Variants in RHOF observed in about 807,000 individuals in gnomAD.
RHOF encodes rho-related GTP-binding protein RhoF.
RHOF carries 21 observed loss-of-function variants against 22.2 expected under a neutral mutation model. The observed-to-expected ratio is 0.95, with a 90% CI of 0.67 to 1.36. The LOEUF (loss-of-function observed/expected upper bound fraction) is 1.36. Among genes scored for constraint, RHOF ranks in the 40% most tolerant of loss-of-function variants. The pLI, the probability that RHOF is intolerant of heterozygous loss-of-function variation, is 0.00. For missense variants in RHOF, 285 were observed against 293.7 expected, an observed-to-expected ratio of 0.97 and a Z score of 0.22; for synonymous variants, 135 against 131.2, an observed-to-expected ratio of 1.03 and a Z score of -0.20.
chr12:121,783,705 C>T (rs1874535964), intron 2 of RHOF, among the ~76,000 whole-genome samples: 1 of 152,158 alleles, frequency 6.6e-6, no homozygotes, highest in Non-Finnish European at 1.5e-5. Flanking sequence ...TGGTCTCGAA[C>T]TCCCGACCTC....
intron 2 of RHOF, among the ~76,000 whole-genome samples, chr12:121,787,890 CAAAAA>C (rs35018748): frequency 2.6e-4 from 14 of 54,460 alleles, no homozygotes; most frequent in African/African-American, 9.3e-4. Context: ...GACTCTGCCT[CAAAAA>C]AAAAAAAAAA....
intron 2 of RHOF, among the ~76,000 whole-genome samples, chr12:121,783,893 C>T (rs1020841300): frequency 1.3e-5 from 2 of 152,162 alleles, no homozygotes; most frequent in Non-Finnish European, 1.5e-5. Flanking sequence ...CATGAGCCAC[C>T]GTGCCTGGCC....
intron 2 of RHOF, among the ~76,000 whole-genome samples, chr12:121,789,239 C>A (rs1449572502): frequency 3.8e-5 from 3 of 78,466 alleles, no homozygotes; most frequent in African/African-American, 1.0e-4. Context: ...CTAACCATTC[C>A]CCACCTCAAA....
chr12:121,793,627 C>G lies in RHOF; in HGVS notation c.7G>C (p.Ala3Pro). The G allele has an allele frequency of 6.5e-7, 1 of 1,540,396 alleles. No homozygotes were observed. Among genetic ancestry groups the G allele is most frequent in the African/African-American group, 1.4e-5 (1 of 72,934 alleles). MD[A>P]PGALAQTAAP... ...GCGGTCTGGGCCAGGGCCCCGGGGGCATCCATTGCCCGGAGCCCGCAGCAC... is the reference window on the plus strand; with the variant it reads ...GCGGTCTGGGCCAGGGCCCCGGGGGGATCCATTGCCCGGAGCCCGCAGCAC... Residue 3 changes from alanine to proline, a missense_variant, in exon 1 of 5, where the codon GCC (alanine) becomes CCC (proline). Transcript: ENST00000267205.
At chr12:121,792,510 C>T (rs1874790333) in intron 2 of RHOF, among the ~76,000 whole-genome samples, 1 of 152,248 alleles carries the variant, frequency 6.6e-6, no homozygotes, top group Non-Finnish European at 1.5e-5. Context: ...TGCTCTGTTC[C>T]TTCCTCAGTT....
chr12:121,787,916 G>C (rs1400266826), intron 2 of RHOF, among the ~76,000 whole-genome samples: 3 of 134,648 alleles, frequency 2.2e-5, no homozygotes, highest in Admixed American at 2.2e-4. Flanking sequence ...AAAAGGGGGG[G>C]GGGGCGGGGT....
chr12:121,793,091 G>A, intron 2 of RHOF, 61 bp downstream of exon 2: 1 of 1,426,618 alleles, frequency 7.0e-7, no homozygotes, highest in Non-Finnish European at 9.6e-7. Context: ...GGGGACGCCC[G>A]GGAGGGGAAA....
In RHOF at chr12:121,793,248, G is replaced by A; in HGVS notation, c.139-9C>T. The A allele has an allele frequency of 6.4e-7, 1 of 1,550,666 alleles. No individual in the cohort carries two copies. ...ACCGATGGGGCGTAGTGCTGCGGGA[G>A]AGGGGGTCGGGTTGGTCCTTAGTGG... On this transcript the variant is annotated splice_polypyrimidine_tract_variant and intron_variant, in intron 1 of 4. Transcript: ENST00000267205.
In RHOF at chr12:121,781,086, G is replaced by C; in HGVS notation, c.333C>G (p.Ile111Met). The C allele has an allele frequency of 6.2e-7, 1 of 1,614,234 alleles. No individual in the cohort carries two copies. The highest frequency in any genetic ancestry group is 8.5e-7 in the Non-Finnish European group (1 of 1,180,024). The change falls in exon 3 of 5, where the codon ATC becomes ATG. Residue 111 changes from isoleucine (I) to methionine (M), a missense_variant. By Grantham distance (10) the Ile-to-Met change is conservative. Coordinates refer to ENST00000267205, the MANE Select transcript of RHOF (RefSeq NM_019034.3). The part of the protein sequence containing the change: ...MNPTSYDNVL[I>M]KWFPEVTHFC... Reference sequence around the variant, plus strand: ...CCACCCAGGAGGCCGGCCTCACCTTGATGAGGACGTTGTCGTAGCTGGTGG... The same window carrying C: ...CCACCCAGGAGGCCGGCCTCACCTTCATGAGGACGTTGTCGTAGCTGGTGG...
At chr12:121,782,258 T>G (rs1874489755) in intron 2 of RHOF, 1 of 152,222 alleles carries the variant, frequency 6.6e-6, no homozygotes, top group African/African-American at 2.4e-5. Flanking sequence ...AGAAACCGCA[T>G]GGACTCTGCA....
intron 2 of RHOF, among the ~76,000 whole-genome samples, chr12:121,783,428 TCTC>T (rs1485199853): frequency 3.3e-5 from 5 of 151,498 alleles, no homozygotes; most frequent in Non-Finnish European, 2.9e-5. Context: ...TTCAAGCAAT[TCTC>T]CTGCCACAGC....
chr12:121,782,165 CTG>C (rs1192750370), intron 2 of RHOF: 1 of 152,132 alleles, frequency 6.6e-6, no homozygotes, highest in East Asian at 1.9e-4. Flanking sequence ...GGCACGGTAA[CTG>C]TAGACATCTG....
Position 121,779,540 on chromosome 12 carries a change from C to G in RHOF, c.594G>C (p.Lys198Asn). 2 of 1,613,214 alleles carry G rather than the reference C, an allele frequency of 1.2e-6. No individual in the cohort carries two copies. Among genetic ancestry groups the G allele is most frequent in the Non-Finnish European group, 1.7e-6 (2 of 1,179,396 alleles). The change falls in exon 5 of 5, where the codon AAG becomes AAC. Residue 198 changes from lysine to asparagine, a missense_variant. Coordinates refer to ENST00000267205, the MANE Select transcript of RHOF (RefSeq NM_019034.3). ...GCCGGCGCTTCTTCTGCCGTTGCGC[C>G]TTCTTCAGAGCGCTGAGAGCCACCT... ...AAKVALSALKKAQRQKKRRLC... is the reference protein window; with the variant it reads ...AAKVALSALKNAQRQKKRRLC...
At chr12:121,780,797 C>T in intron 4 of RHOF, 75 bp downstream of exon 4, 2 of 1,512,460 alleles carry the variant, frequency 1.3e-6, no homozygotes, top group Non-Finnish European at 1.8e-6. Context: ...CACTAAGGCA[C>T]CCCAGTTGCA....
intron 2 of RHOF, among the ~76,000 whole-genome samples, chr12:121,789,457 G>A (rs1046479725): frequency 6.6e-6 from 1 of 152,164 alleles, no homozygotes; most frequent in Non-Finnish European, 1.5e-5. Context: ...CAGGGACAGG[G>A]GTCTCTAAGG....
At chr12:121,785,422 C>CT (rs758984066) in intron 2 of RHOF, among the ~76,000 whole-genome samples, 1,149 of 86,110 alleles carry the variant, frequency 0.013, 33 homozygotes, top group East Asian at 0.099. Context: ...TTTTTCTTTA[C>CT]TTTTTTTTTT....
intron 2 of RHOF, among the ~76,000 whole-genome samples, chr12:121,787,630 T>C (rs1874641224): frequency 6.8e-6 from 1 of 146,740 alleles, no homozygotes; most frequent in Non-Finnish European, 1.5e-5. Flanking sequence ...GACCGGGCGC[T>C]GTGGCGCATG....
At chr12:121,792,674 G>A (rs2137508845) in intron 2 of RHOF, among the ~76,000 whole-genome samples, 1 of 152,342 alleles carries the variant, frequency 6.6e-6, no homozygotes, top group South Asian at 2.1e-4. Context: ...GCCTCAGGCT[G>A]CAGAGCGCAG....
rs1379772081 is a variant in RHOF, at chr12:121,779,627, GAGAGCAGCTCGGATCTGTTCGCAGGC to G, written c.481_506del (p.Ala161LeufsTer54). 2 of 1,614,154 alleles carry G rather than the reference GAGAGCAGCTCGGATCTGTTCGCAGGC, an allele frequency of 1.2e-6. No individual in the cohort carries two copies. Among genetic ancestry groups the G allele is most frequent in the Non-Finnish European group, 1.7e-6 (2 of 1,179,992 alleles). On this transcript the variant is annotated frameshift_variant, in exon 5 of 5. Transcript: ENST00000267205. LOFTEE classifies it high-confidence loss of function. ...GAAACTTGGCGGAACATTCCAGGTA[GAGAGCAGCTCGGATCTGTTCGCAGGC>G]GCTCAGGCCCTGGGTGGGGGGAGGA...
Sources: allele counts gnomAD v4.1 joint callset (sites outside exome capture counted in the v4.1 genomes callset), GRCh38; gene constraint gnomAD v4.1.1; transcripts MANE v1.5; gene names NCBI Gene and HGNC (gene_info 2026-07-23, HGNC 2026-07-21).